PHACTR2: variants seen among roughly 807,000 people sequenced by gnomAD.
PHACTR2 encodes phosphatase and actin regulator 2.
In PHACTR2, 30 loss-of-function variants were observed where a neutral mutation model predicts 76.0. That is an observed-to-expected ratio of 0.39 (90% CI 0.30 to 0.54). The LOEUF is 0.54. PHACTR2 is among the 20% of genes least tolerant of loss of function. The pLI is 0.61. For missense variants in PHACTR2, 696 were observed against 781.1 expected, an observed-to-expected ratio of 0.89 and a Z score of 1.30; for synonymous variants, 292 against 292.5, an observed-to-expected ratio of 1.00 and a Z score of 0.02.
intron 1 of PHACTR2, among the ~76,000 whole-genome samples, chr6:143,701,449 C>T (rs1777910696): frequency 6.6e-6 from 1 of 152,194 alleles, no homozygotes; most frequent in South Asian, 2.1e-4. Context: ...ACCGTGATGA[C>T]ACTGGGCATT....
chr6:143,657,303 T>G (rs1368662509), intron 1 of PHACTR2, among the ~76,000 whole-genome samples: 2 of 152,136 alleles, frequency 1.3e-5, no homozygotes, highest in Non-Finnish European at 2.9e-5. Flanking sequence ...TTTGTCAATT[T>G]CATACAGCCA....
intron 2 of PHACTR2, among the ~76,000 whole-genome samples, chr6:143,717,134 G>A (rs2128462230): frequency 6.6e-6 from 1 of 152,170 alleles, no homozygotes; most frequent in South Asian, 2.1e-4. Flanking sequence ...AGTCATGCTG[G>A]GTCACTGGCT....
intron 1 of PHACTR2, among the ~76,000 whole-genome samples, chr6:143,626,114 G>A (rs1221756887): frequency 2.0e-5 from 3 of 152,164 alleles, no homozygotes; most frequent in Non-Finnish European, 4.4e-5. Flanking sequence ...GCTTCAGGAA[G>A]TGGCCCAGTT....
At chr6:143,566,786 T>G (rs1245672061) in intron 1 of PHACTR2, among the ~76,000 whole-genome samples, 1 of 150,982 alleles carries the variant, frequency 6.6e-6, no homozygotes, top group African/African-American at 2.4e-5. Flanking sequence ...ATATTATTTT[T>G]CCCACAAATA....
Position 143,806,964 on chromosome 6 carries a change from A to T in PHACTR2, c.1846-93A>T. The T allele has an allele frequency of 1.5e-6, 1 of 649,136 alleles. No individual in the cohort carries two copies. The highest frequency in any genetic ancestry group is 2.9e-5 in the East Asian group (1 of 34,404). The allele number at this position is 649,136 out of a possible 1,614,324, so 40.2% of individuals were successfully genotyped here. ...AGAGCGAGACTCTATCTCTTAAAAA[A>T]AAAAAAAAGGTCTGCTTCATTGATG... On this transcript the variant is annotated intron_variant, in intron 11 of 12. Coordinates refer to ENST00000440869, the MANE Select transcript of PHACTR2 (RefSeq NM_001100164.2). This position sits in a 1 kb window ranked among gnomAD's most constrained non-coding sequence, Gnocchi z 5.8.
intron 6 of PHACTR2, among the ~76,000 whole-genome samples, chr6:143,771,164 A>ATG (rs1562300674): frequency 1.0e-4 from 3 of 30,098 alleles, no homozygotes; most frequent in East Asian, 3.8e-3. Context: ...ATATGTATAT[A>ATG]TATATATATG....
chr6:143,575,848 A>T (rs140301892), intron 1 of PHACTR2, among the ~76,000 whole-genome samples: 1,646 of 152,020 alleles, frequency 0.011, 28 homozygotes, highest in African/African-American at 0.037. Context: ...TCTTAAGTAC[A>T]TTAAGTCTTT....
intron 1 of PHACTR2, among the ~76,000 whole-genome samples, chr6:143,636,823 A>G (rs888619396): frequency 1.3e-5 from 2 of 152,242 alleles, no homozygotes; most frequent in Non-Finnish European, 2.9e-5. Context: ...AACAAGATGA[A>G]TGGCTTCAAA....
At chr6:143,693,578 T>C (rs1425780603) in intron 1 of PHACTR2, among the ~76,000 whole-genome samples, 3 of 152,222 alleles carry the variant, frequency 2.0e-5, no homozygotes, top group Non-Finnish European at 4.4e-5. Flanking sequence ...TTAAGGACTT[T>C]AAGCAATGTC....
Position 143,739,699 on chromosome 6 carries a change from C to G in PHACTR2, c.215-9286C>G, listed in dbSNP as rs952431866. On this transcript the variant is annotated intron_variant, in intron 2 of 12. Transcript: ENST00000440869. This position sits in a 1 kb window ranked among gnomAD's most constrained non-coding sequence, Gnocchi z 4.3. ...TACTCTCCTGAGATTGCTTGTACTT[C>G]CTGGCCCTTCTGGGATTGAGGACTT... Among the ~76,000 whole-genome samples, 5 of 152,254 alleles carry G rather than the reference C, an allele frequency of 3.3e-5. No homozygotes were observed. In the East Asian group the frequency reaches 9.7e-4, roughly 29 times the overall value.
chr6:143,706,842 C>T (rs1778064797), intron 1 of PHACTR2, among the ~76,000 whole-genome samples: 1 of 152,178 alleles, frequency 6.6e-6, no homozygotes, highest in African/African-American at 2.4e-5. Flanking sequence ...ATGGCTTATA[C>T]CATCACTTCA....
chr6:143,624,038 A>G lies in PHACTR2; in HGVS notation c.13+15716A>G, dbSNP rs1327953527. 6.6e-6 allele frequency among the ~76,000 whole-genome samples: 1 copy of G among 151,350 alleles called. No individual in the cohort carries two copies. Among genetic ancestry groups the G allele is most frequent in the African/African-American group, 2.4e-5 (1 of 41,170 alleles). On this transcript the variant is annotated intron_variant, in intron 1 of 11. Coordinates refer to the PHACTR2 transcript ENST00000305766. The surrounding 1 kb of genome is among the most constrained non-coding windows in gnomAD (Gnocchi z 4.6). ...TCCCCACCCTGCCCCAGTGTAAGCT[A>G]TTATTGAACTTGTTTCTTTGTTAAT... is the stretch of plus-strand genomic sequence containing the variant.
Position 143,830,573 on chromosome 6 carries a change from A to G in PHACTR2, c.*6884A>G, listed in dbSNP as rs1358122555. The G allele has an allele frequency of 6.6e-6, 1 of 152,222 alleles. No individual in the cohort carries two copies. The highest frequency in any genetic ancestry group is 1.9e-4 in the East Asian group (1 of 5,204). The allele number at this position is 152,222 out of a possible 1,614,324, so 9.4% of individuals were successfully genotyped here. A position where few individuals can be genotyped will look rare whatever the true frequency, so the allele number is the denominator to read the frequency against. The stretch of plus-strand genomic sequence containing the variant: ...TGTGGGTATAAATATCTACAAGTAT[A>G]CACACATATGTACTTGTATTCCACT... On this transcript the variant is annotated 3_prime_UTR_variant, in exon 13 of 13. Coordinates refer to ENST00000440869, the MANE Select transcript of PHACTR2 (RefSeq NM_001100164.2).
At chr6:143,661,252 A>G (rs751277223) in intron 1 of PHACTR2, among the ~76,000 whole-genome samples, 29 of 152,308 alleles carry the variant, frequency 1.9e-4, no homozygotes, top group Non-Finnish European at 3.7e-4. Context: ...TTATTAATGC[A>G]TGTAGTTAAA....
chr6:143,724,836 T>A (rs1225847062), intron 2 of PHACTR2, among the ~76,000 whole-genome samples: 7 of 152,262 alleles, frequency 4.6e-5, no homozygotes, highest in Non-Finnish European at 1.5e-5. Context: ...TCTCTTTGGT[T>A]GTGGCCATGG....
At position 143,541,686 on chromosome 6, in the gene PHACTR2, G is replaced by C. The variant is rs1781172374; in HGVS notation, c.217+4479G>C. Among the ~76,000 whole-genome samples the C allele has an allele frequency of 6.6e-6, 1 of 152,174 alleles. No homozygotes were observed. The highest frequency in any genetic ancestry group is 1.5e-5 in the Non-Finnish European group (1 of 68,038). On this transcript the variant is annotated intron_variant, in intron 1 of 11. Transcript: ENST00000367584. This position sits in a 1 kb window ranked among gnomAD's most constrained non-coding sequence, Gnocchi z 5.3. The stretch of plus-strand genomic sequence containing the variant: ...TTTAATTCCTGGTGTGTTCAGTGCT[G>C]AGTGGAAGTGAGAAATCTCGCATAC...
rs58580651 is a variant in PHACTR2 at position 143,539,859 on chromosome 6, G to A, written c.217+2652G>A. 0.024 allele frequency among the ~76,000 whole-genome samples: 3,719 copies of A among 152,218 alleles called. 122 individuals carry two copies. Among genetic ancestry groups the A allele is most frequent in the East Asian group, 0.077 (397 of 5,168 alleles). ...CACTGGTTTTCAAACTTGGCTACAC[G>A]TAGGAATTGCTTGGGGAGTTAACAA... On this transcript the variant is annotated intron_variant, in intron 1 of 11. Coordinates refer to the PHACTR2 transcript ENST00000367584. The surrounding 1 kb of genome is among the most constrained non-coding windows in gnomAD (Gnocchi z 4.3).
At chr6:143,788,239 C>G (rs1775598114) in intron 10 of PHACTR2, among the ~76,000 whole-genome samples, 1 of 152,190 alleles carries the variant, frequency 6.6e-6, no homozygotes, top group Non-Finnish European at 1.5e-5. Context: ...TGATTGGGGT[C>G]TTGTCCTTAT....
Position 143,580,788 on chromosome 6 carries a change from G to A in PHACTR2, c.217+43581G>A, listed in dbSNP as rs1326419774. On this transcript the variant is annotated intron_variant, in intron 1 of 11. Coordinates refer to the PHACTR2 transcript ENST00000367584. This position sits in a 1 kb window ranked among gnomAD's most constrained non-coding sequence, Gnocchi z 4.2. ...AGATAAATGTCTCTGAAGACAAGAAGGTGAGATAATTAAGAGACTTAGGTT... is the reference window on the plus strand; with the variant it reads ...AGATAAATGTCTCTGAAGACAAGAAAGTGAGATAATTAAGAGACTTAGGTT... Among the ~76,000 whole-genome samples the A allele has an allele frequency of 2.0e-5, 3 of 152,204 alleles. No individual in the cohort carries two copies. Among genetic ancestry groups the A allele is most frequent in the Non-Finnish European group, 4.4e-5 (3 of 68,034 alleles).
Sources: allele counts gnomAD v4.1 joint callset (sites outside exome capture counted in the v4.1 genomes callset), GRCh38; gene constraint gnomAD v4.1.1; non-coding constraint Gnocchi (gnomAD v3.1); transcripts MANE v1.5; gene names NCBI Gene and HGNC (gene_info 2026-07-23, HGNC 2026-07-21).